The following ATP13A4 variants were observed in gnomAD, a reference collection of about 807,000 sequenced individuals.
The protein encoded by ATP13A4 is ATPase 13A4, also known as probable cation-transporting ATPase 13A4.
In ATP13A4, 114 loss-of-function variants were observed where a neutral mutation model predicts 142.5. The ratio of observed to expected loss-of-function variants is 0.80; its 90% confidence interval spans 0.69 to 0.93. The LOEUF (loss-of-function observed/expected upper bound fraction) is 0.93, where lower values mean the gene tolerates loss of function less well. ATP13A4 is among the 40% of genes least tolerant of loss of function. The probability of loss-of-function intolerance (pLI) is 0.00; values close to 1 mark genes in which losing one functional copy is unlikely to be tolerated. For missense variants in ATP13A4, 1,392 were observed against 1,454.0 expected (o/e 0.96, Z 0.69); for synonymous variants, 488 against 514.8 (o/e 0.95, Z 0.70).
At chr3:193,568,342 G>A (rs1724186831) in intron 2 of ATP13A4, among the ~76,000 whole-genome samples, 1 of 151,956 alleles carries the variant, frequency 6.6e-6, no homozygotes, top group South Asian at 2.1e-4. Flanking sequence ...TTTCTCTAGG[G>A]GAAAAAAATG....
intron 2 of ATP13A4, among the ~76,000 whole-genome samples, chr3:193,503,921 T>C (rs1720701451): frequency 6.6e-6 from 1 of 151,898 alleles, no homozygotes; most frequent in Non-Finnish European, 1.5e-5. Flanking sequence ...TTACCACTTC[T>C]CTTGGACTAT....
At chr3:193,482,611 C>G (rs1719360077) in intron 8 of ATP13A4, among the ~76,000 whole-genome samples, 1 of 152,124 alleles carries the variant, frequency 6.6e-6, no homozygotes, top group South Asian at 2.1e-4. Context: ...AAATACTTCA[C>G]CAAACAAGGT....
intron 1 of ATP13A4, among the ~76,000 whole-genome samples, chr3:193,590,675 G>A (rs1252445836): frequency 6.6e-6 from 1 of 152,134 alleles, no homozygotes; most frequent in Admixed American, 6.5e-5. Flanking sequence ...AGTTCATTTG[G>A]CTTAAGTCCA....
At chr3:193,566,271 A>C (rs1724132824) in intron 2 of ATP13A4, among the ~76,000 whole-genome samples, 2 of 152,028 alleles carry the variant, frequency 1.3e-5, no homozygotes, top group Admixed American at 1.3e-4. Context: ...ATTATCCTTA[A>C]ATTTGGATCT....
At position 193,488,065 on chromosome 3, in the gene ATP13A4, A is replaced by G. The variant is rs572509182; in HGVS notation, c.738+1665T>C. On this transcript the variant is annotated intron_variant, in intron 7 of 29. Transcript: ENST00000342695. ...GATCACTGGAGGTCAGGAGATCAAC[A>G]CCATCCAGACCAACATGGTGAAACA... Among the ~76,000 whole-genome samples the G allele has an allele frequency of 1.1e-4, 17 of 152,318 alleles. No individual in the cohort carries two copies. In the East Asian group the frequency reaches 3.3e-3, roughly 29 times the overall value.
At chr3:193,404,509 G>C (rs1293307017) in intron 29 of ATP13A4, among the ~76,000 whole-genome samples, 1 of 152,186 alleles carries the variant, frequency 6.6e-6, no homozygotes, top group Non-Finnish European at 1.5e-5. Flanking sequence ...GGAAGGGCTG[G>C]ATGGGAGGTG....
At chr3:193,458,439 A>G (rs1717764060) in intron 14 of ATP13A4, among the ~76,000 whole-genome samples, 1 of 152,212 alleles carries the variant, frequency 6.6e-6, no homozygotes, top group Admixed American at 6.5e-5. Flanking sequence ...TTTTATGGTC[A>G]TGAGAGCCAA....
At chr3:193,481,333 G>C (rs1719280816) in intron 8 of ATP13A4, among the ~76,000 whole-genome samples, 1 of 152,044 alleles carries the variant, frequency 6.6e-6, no homozygotes, top group Admixed American at 6.6e-5. Context: ...CATCACTAGA[G>C]CATGTTTTGA....
chr3:193,479,803 T>C lies in ATP13A4; in HGVS notation c.808+4133A>G, dbSNP rs144461346. Among the ~76,000 whole-genome samples, 892 of 152,244 alleles carry C rather than the reference T, an allele frequency of 5.9e-3. 4 individuals are homozygous for C. The highest frequency in any genetic ancestry group is 9.2e-3 in the Non-Finnish European group (627 of 67,996). On this transcript the variant is annotated intron_variant, in intron 8 of 29. Transcript: ENST00000342695. ...ATATGGAGCCAAAAAAGAGGCTGCA[T>C]AGCCAAAGCAAGACAAAGCAAAAAG... is the stretch of plus-strand genomic sequence containing the variant.
chr3:193,503,995 A>ATGTGTGTGTGTGTG lies in ATP13A4; in HGVS notation c.235-1370_235-1357dup, dbSNP rs554927410. Among the ~76,000 whole-genome samples, 719 of 136,114 alleles carry ATGTGTGTGTGTGTG rather than the reference A, an allele frequency of 5.3e-3. 15 individuals carry two copies. Among genetic ancestry groups the ATGTGTGTGTGTGTG allele is most frequent in the African/African-American group, 0.019 (669 of 35,582 alleles). The allele number at this position is 136,114 out of a possible 152,430, so 89.3% of individuals were successfully genotyped here. ...CAGGCTTAGCACAGGTTCTGTGTGC[A>ATGTGTGTGTGTGTG]TGTGTGTGTGTGTGTGTGTGTGTGT... is the stretch of plus-strand genomic sequence containing the variant. On this transcript the variant is annotated intron_variant, in intron 2 of 29. Transcript: ENST00000342695.
chr3:193,480,320 A>G (rs191584234), intron 8 of ATP13A4, among the ~76,000 whole-genome samples: 124 of 152,288 alleles, frequency 8.1e-4, no homozygotes, highest in African/African-American at 2.8e-3. Flanking sequence ...CAAAAGAAAT[A>G]ACCAGCAGAA....
intron 2 of ATP13A4, among the ~76,000 whole-genome samples, chr3:193,572,779 GAT>G (rs1724297005): frequency 6.6e-6 from 1 of 152,022 alleles, no homozygotes; most frequent in South Asian, 2.1e-4. Context: ...GGAACCAGCT[GAT>G]GGGAATGTAA....
exon 2 of ATP13A4, chr3:193,581,891 G>A (rs1362292586): frequency 6.6e-6 from 1 of 151,986 alleles, no homozygotes; most frequent in African/African-American, 2.4e-5. Flanking sequence ...TTTCGATGAG[G>A]ACAGAAAAGA....
rs1674336737 is a variant in ATP13A4, at chr3:193,466,077, C to T, written c.1220G>A (p.Gly407Glu). 6.2e-7 allele frequency: 1 copy of T among 1,614,044 alleles called. No individual in the cohort carries two copies. Among genetic ancestry groups the T allele is most frequent in the Non-Finnish European group, 8.5e-7 (1 of 1,180,034 alleles). Residue 407 changes from glycine (G) to glutamate (E), a missense_variant, in exon 11 of 30, where the codon GGA (glycine) becomes GAA (glutamate). Gly to Glu is a moderately conservative substitution (Grantham distance 98). Coordinates refer to ENST00000342695, the MANE Select transcript of ATP13A4 (RefSeq NM_032279.4). The part of the protein sequence containing the change: ...DAIRFLLCLV[G>E]TATIGMIYTL... Reference sequence around the variant, plus strand: ...ATAGATCATCCCAATGGTGGCTGTTCCTACAAGGCACAGGAGGAACCTGAT... The same window carrying T: ...ATAGATCATCCCAATGGTGGCTGTTTCTACAAGGCACAGGAGGAACCTGAT...
chr3:193,471,851 A>C (rs2108648373), intron 8 of ATP13A4, among the ~76,000 whole-genome samples: 1 of 152,246 alleles, frequency 6.6e-6, no homozygotes, highest in East Asian at 1.9e-4. Flanking sequence ...GGGCCTGTGC[A>C]AGATAGGCAT....
chr3:193,435,841 CAA>C (rs1033868518), intron 23 of ATP13A4, 97 bp from the exon 24 acceptor site: 5 of 1,084,406 alleles, frequency 4.6e-6, no homozygotes, highest in African/African-American at 3.1e-5. Flanking sequence ...GAAAAAAAAT[CAA>C]AAGTCATTAT....
intron 2 of ATP13A4, among the ~76,000 whole-genome samples, chr3:193,506,505 T>C (rs1455188722): frequency 6.6e-6 from 1 of 152,180 alleles, no homozygotes; most frequent in African/African-American, 2.4e-5. Context: ...ACCTGGACAT[T>C]TTTTATTTCC....
At chr3:193,503,590 C>T (rs78587485) in intron 2 of ATP13A4, among the ~76,000 whole-genome samples, 4,385 of 152,252 alleles carry the variant, frequency 0.029, 57 homozygotes, top group African/African-American at 0.037. Context: ...CACCACCACA[C>T]CCATTTTTGC....
chr3:193,553,411 TGA>T (rs894739201), intron 1 of ATP13A4: 1 of 152,106 alleles, frequency 6.6e-6, no homozygotes, highest in African/African-American at 2.4e-5. Flanking sequence ...TATTTCTAAA[TGA>T]GAGAGAAAAA....
Sources: gnomAD v4.1 joint callset for allele counts (sites outside exome capture counted in the v4.1 genomes callset) on GRCh38, gnomAD v4.1.1 for gene constraint, MANE v1.5 for transcripts, NCBI Gene and HGNC (gene_info 2026-07-23, HGNC 2026-07-21) for gene names.